IL16: variants seen among roughly 807,000 people sequenced by gnomAD.
IL16 encodes interleukin 16, also known as pro-interleukin-16.
IL16 carries 67 observed loss-of-function variants against 110.1 expected under a neutral mutation model. The ratio of observed to expected loss-of-function variants is 0.61; its 90% CI spans 0.50 to 0.75. IL16 has a LOEUF of 0.75. Among genes scored for constraint, IL16 ranks in the 30% least tolerant of loss-of-function variants. The pLI is 0.00. For missense variants in IL16, 1,545 were observed against 1,655.0 expected (o/e 0.93, Z 1.15); for synonymous variants, 689 against 662.9 (o/e 1.04, Z -0.61).
At chr15:81,297,121 A>T in intron 13 of IL16, 43 bp downstream of exon 13, 1 of 1,585,572 alleles carries the variant, frequency 6.3e-7, no homozygotes, top group South Asian at 1.1e-5. Context: ...GGTCTTTTGA[A>T]AAAAGGTGCA....
intron 1 of IL16, among the ~76,000 whole-genome samples, chr15:81,203,848 A>G (rs1895912372): frequency 6.6e-6 from 1 of 152,128 alleles, no homozygotes; most frequent in African/African-American, 2.4e-5. Flanking sequence ...GTTTTTTCCA[A>G]TTCTGTGAAG....
intron 1 of IL16, among the ~76,000 whole-genome samples, chr15:81,202,983 C>T (rs1247447576): frequency 1.3e-5 from 2 of 151,912 alleles, no homozygotes; most frequent in Non-Finnish European, 2.9e-5. Flanking sequence ...CTCTCCAGCA[C>T]CTGTTGTTTC....
At position 81,273,091 on chromosome 15, in the gene IL16, G is replaced by T. The variant is rs200176084; in HGVS notation, c.677G>T (p.Gly226Val). ...CAGACCTTCTCTTTTTTTCCCCAGG[G>T]TCTGGGCTTCAGCATCGTTGGGGGA... ...NIVLMKGQAK[G>V]LGFSIVGGKD... Residue 226 changes from glycine to valine, a missense_variant and splice_region_variant, in exon 6 of 19, where the codon GGT (glycine) becomes GTT (valine). This residue lies in a region of IL16 where 1,185 missense variants were observed against 1,238.8 expected (regional missense o/e 0.96). Transcript: ENST00000683961. The T allele has an allele frequency of 4.7e-5, 75 of 1,611,772 alleles. No individual in the cohort carries two copies. The highest frequency in any genetic ancestry group is 3.1e-5 in the Non-Finnish European group (36 of 1,178,424).
chr15:81,306,596 CCA>C, intron 18 of IL16, 51 bp downstream of exon 18: 2 of 1,603,440 alleles, frequency 1.2e-6, no homozygotes, highest in Non-Finnish European at 1.7e-6. Context: ...GGGCATGTGG[CCA>C]GGCCCCCAAA....
intron 1 of IL16, among the ~76,000 whole-genome samples, chr15:81,219,341 A>G (rs144445367): frequency 1.7e-3 from 254 of 152,286 alleles, no homozygotes; most frequent in South Asian, 0.012. Context: ...TCTTTCAAGA[A>G]CAATGATGAG....
intron 13 of IL16, 63 bp from the exon 14 acceptor site, chr15:81,299,317 A>G: frequency 9.4e-6 from 15 of 1,601,148 alleles, no homozygotes; most frequent in Non-Finnish European, 1.2e-5. Context: ...GGAAACTAGA[A>G]TTTAGGAAGA....
intron 1 of IL16, among the ~76,000 whole-genome samples, chr15:81,189,266 G>C (rs570907669): frequency 6.6e-6 from 1 of 152,034 alleles, no homozygotes; most frequent in African/African-American, 2.4e-5. Context: ...TGGGATTACA[G>C]GAGCCTGCCA....
chr15:81,305,746 G>A (rs2141637220), intron 16 of IL16, 162 bp from the exon 17 acceptor site: 2 of 776,966 alleles, frequency 2.6e-6, no homozygotes, highest in South Asian at 1.8e-5. Flanking sequence ...AGGAGGGAAT[G>A]CTGGCCTCTG....
chr15:81,264,149 C>A (rs1366767503), intron 3 of IL16, among the ~76,000 whole-genome samples: 1 of 152,130 alleles, frequency 6.6e-6, no homozygotes, highest in South Asian at 2.1e-4. Context: ...CCTCTCACCC[C>A]CCTTTCTTGA....
intron 2 of IL16, among the ~76,000 whole-genome samples, chr15:81,248,111 G>C (rs1258723554): frequency 6.6e-6 from 1 of 152,094 alleles, no homozygotes; most frequent in East Asian, 1.9e-4. Flanking sequence ...ATTTAGAATT[G>C]TTATATATTC....
intron 2 of IL16, among the ~76,000 whole-genome samples, chr15:81,245,405 T>C (rs1897501940): frequency 6.6e-6 from 1 of 152,204 alleles, no homozygotes; most frequent in Non-Finnish European, 1.5e-5. Flanking sequence ...GAGGGACTTC[T>C]CATTAATGTT....
intron 4 of IL16, among the ~76,000 whole-genome samples, chr15:81,266,443 G>C (rs1898385538): frequency 1.3e-5 from 2 of 152,170 alleles, no homozygotes; most frequent in Admixed American, 1.3e-4. Context: ...ACTGCCCTGT[G>C]TGCTCCTCAG....
intron 1 of IL16, among the ~76,000 whole-genome samples, chr15:81,206,721 A>G (rs553373963): frequency 6.6e-6 from 1 of 152,366 alleles, no homozygotes; most frequent in African/African-American, 2.4e-5. Flanking sequence ...CAATAACACC[A>G]AAAATCTCCT....
At chr15:81,265,572 C>T in intron 3 of IL16, 87 bp from the exon 4 acceptor site, 1 of 1,447,214 alleles carries the variant, frequency 6.9e-7, no homozygotes. Flanking sequence ...TGGCCCCTGG[C>T]TAATGAGGGG....
chr15:81,189,120 A>ATTT (rs34519204), intron 1 of IL16, among the ~76,000 whole-genome samples: 3 of 126,890 alleles, frequency 2.4e-5, no homozygotes, highest in Non-Finnish European at 3.2e-5. Context: ...TGCCAAGATA[A>ATTT]TTTTTTTTTT....
chr15:81,298,505 C>T (rs1457643330), intron 13 of IL16, among the ~76,000 whole-genome samples: 1 of 152,222 alleles, frequency 6.6e-6, no homozygotes, highest in Non-Finnish European at 1.5e-5. Context: ...TGGCACAGAG[C>T]AGGTTGCACA....
Position 81,191,340 on chromosome 15 carries a change from A to G in IL16, c.40+8444A>G, listed in dbSNP as rs562939716. Among the ~76,000 whole-genome samples, 19 of 152,376 alleles carry G rather than the reference A, an allele frequency of 1.2e-4. No homozygotes were observed. The South Asian group carries it at 3.9e-3, about 32-fold the overall frequency. ...TAAGTTCCATTTAAACCTGGGCCTA[A>G]TCACATAAATTACGCTAAGGAAATG... On this transcript the variant is annotated intron_variant, in intron 1 of 18. Coordinates refer to the IL16 transcript ENST00000302987.
rs750918945 is a variant in IL16, at chr15:81,225,654, A to G, written c.255A>G (p.Gln85=). 2.5e-6 allele frequency: 4 copies of G among 1,613,880 alleles called. No homozygotes were observed. The South Asian group carries it at 4.4e-5, about 18-fold the overall frequency. The part of the protein sequence containing the change: ...PDLALASEAA[Q]LQAAGNDRGK... Reference sequence around the variant, plus strand: ...TAGCACTGGCCTCGGAGGCTGCTCAACTCCAAGCAGCTGGGAATGATCGAG... The same window carrying G: ...TAGCACTGGCCTCGGAGGCTGCTCAGCTCCAAGCAGCTGGGAATGATCGAG... Residue 85 remains glutamine, a synonymous_variant, in exon 2 of 19, where the codon CAA becomes CAG. Transcript: ENST00000683961.
intron 4 of IL16, among the ~76,000 whole-genome samples, chr15:81,268,732 TATA>T (rs1466743095): frequency 6.6e-6 from 1 of 152,276 alleles, no homozygotes; most frequent in African/African-American, 2.4e-5. Context: ...TCTTAGAATT[TATA>T]ATAATGACAA....
Sources: allele counts gnomAD v4.1 joint callset (sites outside exome capture counted in the v4.1 genomes callset), GRCh38; gene constraint gnomAD v4.1.1; regional missense constraint gnomAD v4.1.1; transcripts MANE v1.5; gene names NCBI Gene and HGNC (gene_info 2026-07-23, HGNC 2026-07-21).